Variants in PRDM7 observed in about 807,000 individuals in gnomAD.
The protein encoded by PRDM7 is histone-lysine N-methyltransferase PRDM7.
In PRDM7, 52 loss-of-function variants were observed where a neutral mutation model predicts 64.3. That is an observed-to-expected ratio of 0.81 (90% CI 0.65 to 1.02). The LOEUF (loss-of-function observed/expected upper bound fraction) is 1.02, where lower values mean the gene tolerates loss of function less well. Among genes scored for constraint, PRDM7 ranks in the 50% least tolerant of loss-of-function variants. PRDM7 has a pLI of 0.00. For missense variants in PRDM7, 574 were observed against 597.1 expected, an observed-to-expected ratio of 0.96 and a Z score of 0.40; for synonymous variants, 192 against 210.1, an observed-to-expected ratio of 0.91 and a Z score of 0.74.
intron 4 of PRDM7, 36 bp downstream of exon 4, chr16:90,074,880 T>A (rs548050670): frequency 9.8e-4 from 1,254 of 1,278,500 alleles, no homozygotes; most frequent in Admixed American, 5.8e-3. Context: ...ACTCCGTCTT[T>A]AAAAAAAAAA....
At chr16:90,073,521 T>C (rs1159733219) in intron 4 of PRDM7, among the ~76,000 whole-genome samples, 2 of 151,948 alleles carry the variant, frequency 1.3e-5, no homozygotes, top group African/African-American at 4.8e-5. Flanking sequence ...TGCCTCAGCC[T>C]CCTGAGTAGC....
chr16:90,058,223 T>C lies in PRDM7; in HGVS notation c.*66A>G. The C allele has an allele frequency of 6.2e-7, 1 of 1,614,160 alleles. No homozygotes were observed. The highest frequency in any genetic ancestry group is 8.5e-7 in the Non-Finnish European group (1 of 1,180,000). ...ATCATTCTTTCTCCCACTCTAGAGCTCCCCATTTGTCCTTTGGGTGGGCTA... is the reference window on the plus strand; with the variant it reads ...ATCATTCTTTCTCCCACTCTAGAGCCCCCCATTTGTCCTTTGGGTGGGCTA... On this transcript the variant is annotated 3_prime_UTR_variant, in exon 11 of 11. Transcript: ENST00000449207.
At chr16:90,062,255 C>T in intron 7 of PRDM7, 63 bp from the exon 8 acceptor site, 1 of 1,614,082 alleles carries the variant, frequency 6.2e-7, no homozygotes, top group Non-Finnish European at 8.5e-7. Context: ...ATAAGAGCTT[C>T]AGAAAGAGCG....
rs560296813 is a variant in PRDM7, at chr16:90,067,020, A to G, written c.302-110T>C. The G allele has an allele frequency of 1.2e-4, 110 of 890,632 alleles. 5 individuals are homozygous for G. In the African/African-American group the frequency reaches 1.8e-3, roughly 14 times the overall value. 55.2% of individuals were successfully genotyped at this position (890,632 alleles called of 1,614,324 possible). A position where few individuals can be genotyped will look rare whatever the true frequency, so the allele number is the denominator to read the frequency against. On this transcript the variant is annotated intron_variant, in intron 4 of 10. Coordinates refer to ENST00000449207, the MANE Select transcript of PRDM7 (RefSeq NM_001098173.2). ...CCCTCTGTCGCCCAGGCTGGAGTGC[A>G]GTGGCACAATCTCCCCTCACTGCAA...
chr16:90,075,516 C>T lies in PRDM7; in HGVS notation c.70-42G>A. 3.7e-6 allele frequency: 6 copies of T among 1,614,172 alleles called. No individual in the cohort carries two copies. The highest frequency in any genetic ancestry group is 2.7e-5 in the African/African-American group (2 of 75,060). ...ATTCCATCAGTGATTTACTAATACA[C>T]ATCGAGCTGGTCCTTTTCCTCTACC... On this transcript the variant is annotated intron_variant, in intron 2 of 10. Coordinates refer to ENST00000449207, the MANE Select transcript of PRDM7 (RefSeq NM_001098173.2). This position sits in a 1 kb window ranked among gnomAD's most constrained non-coding sequence, Gnocchi z 4.3.
chr16:90,066,977 C>CT, intron 4 of PRDM7, 67 bp from the exon 5 acceptor site: 8 of 1,381,394 alleles, frequency 5.8e-6, no homozygotes, highest in Non-Finnish European at 8.1e-6. Flanking sequence ...ATTTTTTTTT[C>CT]TTTTTGATAT....
intron 4 of PRDM7, among the ~76,000 whole-genome samples, chr16:90,073,422 T>C (rs1346512191): frequency 5.3e-5 from 8 of 151,308 alleles, no homozygotes; most frequent in African/African-American, 1.7e-4. Context: ...TTTTTTGAGA[T>C]GGAGTCTCGC....
chr16:90,067,063 C>T (rs1232508179), intron 4 of PRDM7, among the ~76,000 whole-genome samples, 153 bp from the exon 5 acceptor site: 1 of 151,180 alleles, frequency 6.6e-6, no homozygotes, highest in Non-Finnish European at 1.5e-5. Context: ...CTCCCGGATT[C>T]AAGCAATTCT....
In PRDM7 at chr16:90,058,039, G is replaced by C; in HGVS notation, c.*250C>G. 1 of 1,611,512 alleles carries C rather than the reference G, an allele frequency of 6.2e-7. No individual in the cohort carries two copies. The highest frequency in any genetic ancestry group is 1.1e-5 in the South Asian group (1 of 91,052). On this transcript the variant is annotated 3_prime_UTR_variant, in exon 11 of 11. Transcript: ENST00000449207. ...TCTGCAGACGTAGGGCTTCCCCCCT[G>C]TGTGTGTCCTTTGGTGTGTAATAAC...
In PRDM7 at chr16:90,075,962, C is replaced by T; in HGVS notation, c.-52G>A. On this transcript the variant is annotated 5_prime_UTR_variant, in exon 2 of 11. Coordinates refer to ENST00000449207, the MANE Select transcript of PRDM7 (RefSeq NM_001098173.2). The surrounding 1 kb of genome is among the most constrained non-coding windows in gnomAD (Gnocchi z 4.3). ...GCTCCAATTCTGAGTGTGGGAAGGGCCCCTGAGTCTCCCAGCTCCTAGGCC... is the reference window on the plus strand; with the variant it reads ...GCTCCAATTCTGAGTGTGGGAAGGGTCCCTGAGTCTCCCAGCTCCTAGGCC... 1 of 1,584,258 alleles carries T rather than the reference C, an allele frequency of 6.3e-7. No homozygotes were observed. Among genetic ancestry groups the T allele is most frequent in the Non-Finnish European group, 8.6e-7 (1 of 1,160,344 alleles).
At chr16:90,060,691 G>T in intron 9 of PRDM7, 68 bp from the exon 10 acceptor site, 1 of 1,580,566 alleles carries the variant, frequency 6.3e-7, no homozygotes, top group Non-Finnish European at 8.7e-7. Flanking sequence ...TGACTACAAT[G>T]CTCATCCTGC....
In PRDM7 at chr16:90,058,378, T is replaced by G. The variant is rs1178378925; in HGVS notation, c.1390A>C (p.Ile464Leu). 2 of 1,614,068 alleles carry G rather than the reference T, an allele frequency of 1.2e-6. No individual in the cohort carries two copies. The highest frequency in any genetic ancestry group is 1.7e-6 in the Non-Finnish European group (2 of 1,180,024). Residue 464 changes from isoleucine (I) to leucine (L), a missense_variant, in exon 11 of 11, where the codon ATC (isoleucine) becomes CTC (leucine). Coordinates refer to ENST00000449207, the MANE Select transcript of PRDM7 (RefSeq NM_001098173.2). ...FSNQRIPAQG[I>L]RIRSGNILIH... ...AGAATATTGCCGCTCCTGATTCTGA[T>G]CCCCTGGGCAGGGATTCTCTGGTTG...
At chr16:90,059,180 C>A (rs2037728613) in intron 10 of PRDM7, among the ~76,000 whole-genome samples, 1 of 152,198 alleles carries the variant, frequency 6.6e-6, no homozygotes, top group African/African-American at 2.4e-5. Flanking sequence ...GGTTGGCCAA[C>A]ACAGAGTGGT....
rs372674036 is a variant in PRDM7, at chr16:90,062,104, C to T, written c.699G>A (p.Gly233=). The T allele has an allele frequency of 6.2e-7, 1 of 1,614,246 alleles. No homozygotes were observed. The highest frequency in any genetic ancestry group is 1.1e-5 in the South Asian group (1 of 91,090). Residue 233 remains glycine, a synonymous_variant, in exon 8 of 11, where the codon GGG becomes GGA. Coordinates refer to ENST00000449207, the MANE Select transcript of PRDM7 (RefSeq NM_001098173.2). The part of the protein sequence containing the change: ...TFVKDSAVDK[G]HPNRSALSLP... ...GACTGAGGGCTGAACGGTTGGGATG[C>T]CCCTTGTCCACTGCACTGTCCTTTA...
chr16:90,072,213 A>G lies in PRDM7; in HGVS notation c.301+2703T>C, dbSNP rs559095654. On this transcript the variant is annotated intron_variant, in intron 4 of 10. Transcript: ENST00000449207. ...GCCACTGCACTCCAGCCTGGGCGAC[A>G]GAGCGAGACTCCATCTCAAAAAAAA... 2.3e-3 allele frequency among the ~76,000 whole-genome samples: 351 copies of G among 150,772 alleles called. 2 individuals are homozygous for G. The highest frequency in any genetic ancestry group is 7.2e-3 in the African/African-American group (298 of 41,180).
intron 10 of PRDM7, among the ~76,000 whole-genome samples, chr16:90,059,723 C>T (rs139418418): frequency 6.6e-6 from 1 of 152,218 alleles, no homozygotes; most frequent in Non-Finnish European, 1.5e-5. Context: ...ACACTGACCT[C>T]AGCTCTCACA....
At position 90,068,812 on chromosome 16, in the gene PRDM7, G is replaced by T. The variant is rs2037916322; in HGVS notation, c.302-1902C>A. 2.0e-5 allele frequency among the ~76,000 whole-genome samples: 3 copies of T among 150,956 alleles called. No homozygotes were observed. The South Asian group carries it at 6.2e-4, about 31-fold the overall frequency. On this transcript the variant is annotated intron_variant, in intron 4 of 10. Transcript: ENST00000449207. The stretch of plus-strand genomic sequence containing the variant: ...ATTAGGAATAAACTTAACCAAGGAG[G>T]CAAAAACTTGAACACTGAAAACTAC...
chr16:90,059,503 G>A (rs774212153), intron 10 of PRDM7, among the ~76,000 whole-genome samples: 8 of 152,226 alleles, frequency 5.3e-5, no homozygotes, highest in Non-Finnish European at 1.0e-4. Flanking sequence ...TTCCAAAAAT[G>A]AACCAAAGCT....
At chr16:90,068,404 G>A (rs1388181959) in intron 4 of PRDM7, among the ~76,000 whole-genome samples, 3 of 151,256 alleles carry the variant, frequency 2.0e-5, no homozygotes, top group Non-Finnish European at 4.4e-5. Flanking sequence ...AGGAGGCAGA[G>A]GTGGGGGGAT....
Sources: allele counts gnomAD v4.1 joint callset (sites outside exome capture counted in the v4.1 genomes callset), GRCh38; gene constraint gnomAD v4.1.1; non-coding constraint Gnocchi (gnomAD v3.1); transcripts MANE v1.5; gene names NCBI Gene and HGNC (gene_info 2026-07-23, HGNC 2026-07-21).